HCN2: variants seen among roughly 807,000 people sequenced by gnomAD.
HCN2 encodes the protein hyperpolarization activated cyclic nucleotide gated potassium and sodium channel 2.
Under a neutral mutation model 52.3 loss-of-function variants are expected in HCN2, and 20 were observed. The observed-to-expected ratio is 0.38, with a 90% CI of 0.27 to 0.56. The LOEUF (loss-of-function observed/expected upper bound fraction) is 0.56. HCN2 is among the 20% of genes least tolerant of loss of function. HCN2 has a pLI of 0.71. For synonymous variants in HCN2, 694 were observed against 537.0 expected, an observed-to-expected ratio of 1.29 and a Z score of -4.04; for missense variants, 981 against 1,207.7, an observed-to-expected ratio of 0.81 and a Z score of 2.78.
In HCN2 at chr19:604,882, G is replaced by A. The variant is rs1278603949; in HGVS notation, c.1057-179G>A. On this transcript the variant is annotated intron_variant, in intron 2 of 7. Transcript: ENST00000251287. ...GGCGGGGTCCTGGGGTGGGGGCTGTGGGTTTGGAGGGCGGGGGTCCCGGGG... is the reference window on the plus strand; with the variant it reads ...GGCGGGGTCCTGGGGTGGGGGCTGTAGGTTTGGAGGGCGGGGGTCCCGGGG... Among the ~76,000 whole-genome samples the A allele has an allele frequency of 3.9e-5, 5 of 129,172 alleles. No individual in the cohort carries two copies. The East Asian group carries it at 9.7e-4, about 25-fold the overall frequency. The allele number at this position is 129,172 out of a possible 152,430, so 84.7% of individuals were successfully genotyped here. A position where few individuals can be genotyped will look rare whatever the true frequency, so the allele number is the denominator to read the frequency against.
Position 616,452 on chromosome 19 carries a change from C to G in HCN2, c.2648C>G (p.Ser883Trp), listed in dbSNP as rs1287730190. 2 of 1,241,016 alleles carry G rather than the reference C, an allele frequency of 1.6e-6. No individual in the cohort carries two copies. Among genetic ancestry groups the G allele is most frequent in the East Asian group, 4.0e-5 (1 of 25,118 alleles). 76.9% of individuals were successfully genotyped at this position (1,241,016 alleles called of 1,614,324 possible). ...GGLDPQDSARSRLSSNL is the reference protein window; with the variant it reads ...GGLDPQDSARWRLSSNL ...CTGGACCCCCAGGACTCCGCGCGCT[C>G]GCGCCTCTCGTCCAACTTGTGACCC... is the stretch of plus-strand genomic sequence containing the variant. Residue 883 changes from serine (S) to tryptophan (W), a missense_variant, in exon 8 of 8, where the codon TCG (serine) becomes TGG (tryptophan). Physicochemically the swap from Ser to Trp is radical, Grantham distance 177 (BLOSUM62 -3). Around this residue, in one of 6 missense-constraint regions of HCN2, gnomAD observed 368 missense variants for 314.8 expected, o/e 1.17. Coordinates refer to ENST00000251287, the MANE Select transcript of HCN2 (RefSeq NM_001194.4).
At chr19:596,105 C>T (rs1228767836) in intron 1 of HCN2, among the ~76,000 whole-genome samples, 3 of 152,240 alleles carry the variant, frequency 2.0e-5, no homozygotes, top group South Asian at 2.1e-4. Flanking sequence ...GGGTCGGCGG[C>T]CTCCTCCCCC....
chr19:614,914 G>A lies in HCN2; in HGVS notation c.1991-881G>A, dbSNP rs981420726. Among the ~76,000 whole-genome samples, 5 of 152,140 alleles carry A rather than the reference G, an allele frequency of 3.3e-5. No homozygotes were observed. The East Asian group carries it at 5.8e-4, about 18-fold the overall frequency. On this transcript the variant is annotated intron_variant, in intron 7 of 7. Transcript: ENST00000251287. ...TGCTGTTCGTGGGAATGGGAATGAAGACCATGGCTGAAACGCAGGACAGGT... is the reference window on the plus strand; with the variant it reads ...TGCTGTTCGTGGGAATGGGAATGAAAACCATGGCTGAAACGCAGGACAGGT...
Position 617,103 on chromosome 19 carries a change from C to A in HCN2, c.*629C>A, listed in dbSNP as rs1984002855. On this transcript the variant is annotated 3_prime_UTR_variant, in exon 8 of 8. Coordinates refer to ENST00000251287, the MANE Select transcript of HCN2 (RefSeq NM_001194.4). ...GCAGTGCCCCCACCGTGGCCCCCCACGCCCCATTAACCCCCACACCCCCAT... is the reference window on the plus strand; with the variant it reads ...GCAGTGCCCCCACCGTGGCCCCCCAAGCCCCATTAACCCCCACACCCCCAT... 2 of 483,244 alleles carry A rather than the reference C, an allele frequency of 4.1e-6. No homozygotes were observed. The highest frequency in any genetic ancestry group is 3.8e-6 in the Non-Finnish European group (1 of 263,592). 29.9% of individuals were successfully genotyped at this position (483,244 alleles called of 1,614,324 possible).
At chr19:603,519 G>A (rs1211458038) in intron 1 of HCN2, 25 bp from the exon 2 acceptor site, 5 of 1,586,318 alleles carry the variant, frequency 3.2e-6, no homozygotes, top group Non-Finnish European at 4.3e-6. Flanking sequence ...GCACCGGCCT[G>A]AGGTGTGGGC....
At position 615,891 on chromosome 19, in the gene HCN2, A is replaced by G. The variant is rs1408213157; in HGVS notation, c.2087A>G (p.Lys696Arg). Residue 696 changes from lysine (K) to arginine (R), a missense_variant, in exon 8 of 8, where the codon AAG becomes AGG. Lys to Arg is a conservative substitution (Grantham distance 26, BLOSUM62 2). Around this residue, in one of 6 missense-constraint regions of HCN2, gnomAD observed 368 missense variants for 314.8 expected, o/e 1.17. Transcript: ENST00000251287. Reference protein sequence around the residue: ...QENAIIQEIVKYDREMVQQAE... With the variant: ...QENAIIQEIVRYDREMVQQAE... The stretch of plus-strand genomic sequence containing the variant: ...AACGCCATCATCCAGGAGATCGTCA[A>G]GTACGACCGCGAGATGGTGCAGCAG... The G allele has an allele frequency of 4.0e-5, 65 of 1,612,760 alleles. No homozygotes were observed. The highest frequency in any genetic ancestry group is 5.3e-5 in the Non-Finnish European group (63 of 1,179,886).
Position 609,669 on chromosome 19 carries a change from G to A in HCN2, c.1438-590G>A, listed in dbSNP as rs893853365. ...TAATCCCCACTACTCAGGAGGCCGA[G>A]GTGGGAGGATCCCTTGAGCCCAGGA... On this transcript the variant is annotated intron_variant, in intron 4 of 7. Coordinates refer to ENST00000251287, the MANE Select transcript of HCN2 (RefSeq NM_001194.4). 4.6e-4 allele frequency among the ~76,000 whole-genome samples: 70 copies of A among 152,204 alleles called. 6 individuals are homozygous for A.
At position 605,171 on chromosome 19, in the gene HCN2, T is replaced by C. The variant is rs12981860; in HGVS notation, c.1167T>C (p.Pro389=). 993,295 of 1,610,438 alleles carry C rather than the reference T, an allele frequency of 0.62. 308,183 individuals are homozygous for C. Among genetic ancestry groups the C allele is most frequent in the East Asian group, 0.75 (33,805 of 44,844 alleles). Residue 389 remains proline (P), a synonymous_variant, in exon 3 of 8, where the codon CCT becomes CCC. Transcript: ENST00000251287. ...ACGGCTGCCTGCAGTTCCTGGTGCC[T>C]ATGCTGCAGGACTTCCCGCGCAACT... ...HWDGCLQFLV[P]MLQDFPRNCW...
Position 590,400 on chromosome 19 carries a change from C to T in HCN2, c.455C>T (p.Ala152Val), listed in dbSNP as rs772419784. The change falls in exon 1 of 8, where the codon GCG becomes GTG. Residue 152 changes from alanine to valine, a missense_variant. By Grantham distance (64) the Ala-to-Val change is moderately conservative. Around this residue, in one of 6 missense-constraint regions of HCN2, gnomAD observed 215 missense variants for 179.4 expected, o/e 1.20. Coordinates refer to ENST00000251287, the MANE Select transcript of HCN2 (RefSeq NM_001194.4). This position sits in a 1 kb window ranked among gnomAD's most constrained non-coding sequence, Gnocchi z 7.2. Reference sequence around the variant, plus strand: ...GCGGGCAGCGAGGAGGCGGGCCCGGCGGGGGAGCCGCGCGGCAGCCAGGCC... The same window carrying T: ...GCGGGCAGCGAGGAGGCGGGCCCGGTGGGGGAGCCGCGCGGCAGCCAGGCC... ...EEAGSEEAGP[A>V]GEPRGSQASF... 95 of 1,320,708 alleles carry T rather than the reference C, an allele frequency of 7.2e-5. No individual in the cohort carries two copies. The highest frequency in any genetic ancestry group is 8.5e-5 in the Non-Finnish European group (87 of 1,024,008). 81.8% of individuals were successfully genotyped at this position (1,320,708 alleles called of 1,614,324 possible). A position where few individuals can be genotyped will look rare whatever the true frequency, so the allele number is the denominator to read the frequency against.
At chr19:608,968 G>GC (rs1191950050) in intron 4 of HCN2, among the ~76,000 whole-genome samples, 4 of 152,192 alleles carry the variant, frequency 2.6e-5, no homozygotes, top group Non-Finnish European at 5.9e-5. Flanking sequence ...GGCCCCATTG[G>GC]CAGCCCCTGG....
chr19:614,668 G>A (rs1156721059), intron 7 of HCN2, among the ~76,000 whole-genome samples: 2 of 152,074 alleles, frequency 1.3e-5, no homozygotes, highest in Non-Finnish European at 2.9e-5. Flanking sequence ...AGACACACAG[G>A]GCCCAGTGGG....
chr19:601,624 G>A (rs1401092692), intron 1 of HCN2, among the ~76,000 whole-genome samples: 3 of 152,150 alleles, frequency 2.0e-5, no homozygotes, highest in African/African-American at 7.2e-5. Context: ...GTCCGTCCTT[G>A]TTTTCATTTC....
Position 617,022 on chromosome 19 carries a change from G to A in HCN2, c.*548G>A, listed in dbSNP as rs1018715880. 7.8e-6 allele frequency: 4 copies of A among 516,104 alleles called. No individual in the cohort carries two copies. Among genetic ancestry groups the A allele is most frequent in the Non-Finnish European group, 1.4e-5 (4 of 281,496 alleles). 32.0% of individuals were successfully genotyped at this position (516,104 alleles called of 1,614,324 possible). A position where few individuals can be genotyped will look rare whatever the true frequency, so the allele number is the denominator to read the frequency against. ...AGAGGCAGGCCTGGCTGCGCAGGGC[G>A]CGGGGGGGAGGCTGGGGTCCCGCCG... On this transcript the variant is annotated 3_prime_UTR_variant, in exon 8 of 8. Coordinates refer to ENST00000251287, the MANE Select transcript of HCN2 (RefSeq NM_001194.4).
rs1983934523 is a variant in HCN2 at position 616,490 on chromosome 19, CCGCGGGCCCA to C, written c.*17_*26del. On this transcript the variant is annotated 3_prime_UTR_variant, in exon 8 of 8. Coordinates refer to ENST00000251287, the MANE Select transcript of HCN2 (RefSeq NM_001194.4). The stretch of plus-strand genomic sequence containing the variant: ...CAACTTGTGACCCTCGCCGACCGCC[CCGCGGGCCCA>C]GGCGGGCCGGGGGCGGGGCCGTCAT... The C allele has an allele frequency of 8.2e-7, 1 of 1,214,378 alleles. No individual in the cohort carries two copies. Among genetic ancestry groups the C allele is most frequent in the African/African-American group, 1.6e-5 (1 of 61,330 alleles). 75.2% of individuals were successfully genotyped at this position (1,214,378 alleles called of 1,614,324 possible).
chr19:606,353 G>A (rs1352439509), intron 3 of HCN2, among the ~76,000 whole-genome samples: 13 of 151,512 alleles, frequency 8.6e-5, no homozygotes, highest in Non-Finnish European at 2.9e-5. Flanking sequence ...CGCCTGCCTC[G>A]GCCTCCCAAA....
chr19:598,877 G>A lies in HCN2; in HGVS notation c.633-4667G>A, dbSNP rs190744801. On this transcript the variant is annotated intron_variant, in intron 1 of 7. Coordinates refer to ENST00000251287, the MANE Select transcript of HCN2 (RefSeq NM_001194.4). ...CCCGCCTCAGCCTCCTTAAGCCCTG[G>A]AATTACAGGCGTGAGCCACCGTGCC... Among the ~76,000 whole-genome samples the A allele has an allele frequency of 3.9e-5, 6 of 152,372 alleles. No individual in the cohort carries two copies. In the East Asian group the frequency reaches 1.2e-3, roughly 29 times the overall value.
rs763120348 is a variant in HCN2 at position 610,297 on chromosome 19, G to A, written c.1476G>A (p.Leu492=). 6.2e-7 allele frequency: 1 copy of A among 1,613,760 alleles called. No individual in the cohort carries two copies. The highest frequency in any genetic ancestry group is 8.5e-7 in the Non-Finnish European group (1 of 1,179,824). The stretch of plus-strand genomic sequence containing the variant: ...AGCAGTACATGTCCTTCCACAAGCT[G>A]CCAGCTGACTTCCGCCAGAAGATCC... ...QVEQYMSFHK[L]PADFRQKIHD... Residue 492 remains leucine, a synonymous_variant, in exon 5 of 8, where the codon CTG becomes CTA. Coordinates refer to ENST00000251287, the MANE Select transcript of HCN2 (RefSeq NM_001194.4).
Position 590,628 on chromosome 19 carries a change from C to A in HCN2, c.632+51C>A. The A allele has an allele frequency of 3.9e-6, 5 of 1,267,366 alleles. No individual in the cohort carries two copies. Among genetic ancestry groups the A allele is most frequent in the Non-Finnish European group, 5.0e-6 (5 of 993,536 alleles). The allele number at this position is 1,267,366 out of a possible 1,614,324, so 78.5% of individuals were successfully genotyped here. ...GCGCGAGGGGGCCCGGGGAGCCGGG[C>A]GCGCGGGGAGCCGTCCTTGGAGCGC... On this transcript the variant is annotated intron_variant, in intron 1 of 7. Coordinates refer to ENST00000251287, the MANE Select transcript of HCN2 (RefSeq NM_001194.4). This position sits in a 1 kb window ranked among gnomAD's most constrained non-coding sequence, Gnocchi z 7.2.
intron 5 of HCN2, among the ~76,000 whole-genome samples, chr19:612,421 TGTGTGTGA>T (rs1481870897): frequency 9.5e-6 from 1 of 105,728 alleles, no homozygotes; most frequent in African/African-American, 3.3e-5. Flanking sequence ...TGTGTGTGTG[TGTGTGTGA>T]GAGAGAGATG....
Sources: gnomAD v4.1 joint callset for allele counts (sites outside exome capture counted in the v4.1 genomes callset) on GRCh38, gnomAD v4.1.1 for gene constraint, gnomAD v4.1.1 regional missense constraint, Gnocchi (gnomAD v3.1) non-coding constraint, MANE v1.5 for transcripts, NCBI Gene and HGNC (gene_info 2026-07-23, HGNC 2026-07-21) for gene names.